The following EMILIN2 variants were observed in gnomAD, a reference collection of about 807,000 sequenced individuals.
EMILIN2 encodes elastin microfibril interfacer 2, also known as EMILIN-2.
In EMILIN2, 71 loss-of-function variants were observed where a neutral mutation model predicts 87.1. The observed-to-expected ratio is 0.82, with a 90% confidence interval of 0.67 to 0.99. EMILIN2 has a LOEUF of 0.99. Among genes scored for constraint, EMILIN2 ranks in the 50% least tolerant of loss-of-function variants. The pLI is 0.00. For missense variants in EMILIN2, 1,407 were observed against 1,371.8 expected (o/e 1.03, Z -0.40); for synonymous variants, 581 against 563.4 (o/e 1.03, Z -0.44).
chr18:2,870,683 T>C (rs2076714935), intron 2 of EMILIN2, among the ~76,000 whole-genome samples: 1 of 152,218 alleles, frequency 6.6e-6, no homozygotes, highest in Non-Finnish European at 1.5e-5. Flanking sequence ...TGAAGGAAGC[T>C]TCTAGTTGAA....
intron 2 of EMILIN2, among the ~76,000 whole-genome samples, chr18:2,854,168 A>G (rs2076615411): frequency 6.6e-6 from 1 of 151,838 alleles, no homozygotes; most frequent in African/African-American, 2.4e-5. Flanking sequence ...CTGACACCAC[A>G]CACTGACTTG....
intron 2 of EMILIN2, among the ~76,000 whole-genome samples, chr18:2,867,604 C>T (rs568007018): frequency 3.4e-4 from 52 of 152,284 alleles, no homozygotes; most frequent in East Asian, 2.3e-3. Flanking sequence ...CATCTTGCAC[C>T]GCCCTTAATC....
chr18:2,870,913 T>C (rs9944982), intron 2 of EMILIN2, among the ~76,000 whole-genome samples: 9,691 of 152,196 alleles, frequency 0.064, 1,029 homozygotes, highest in African/African-American at 0.22. Flanking sequence ...TCTGTGTGTG[T>C]CTGTCTCTGT....
intron 2 of EMILIN2, among the ~76,000 whole-genome samples, chr18:2,850,665 G>A (rs763146163): frequency 2.6e-5 from 4 of 152,104 alleles, no homozygotes; most frequent in Non-Finnish European, 4.4e-5. Context: ...GAGTGACTGA[G>A]GGATAATTTG....
At chr18:2,862,600 T>G (rs1326304173) in intron 2 of EMILIN2, among the ~76,000 whole-genome samples, 2 of 152,234 alleles carry the variant, frequency 1.3e-5, no homozygotes, top group Non-Finnish European at 2.9e-5. Flanking sequence ...AGCTTTTTGA[T>G]GTGCTGCTGG....
At chr18:2,892,911 G>C (rs912232091) in intron 4 of EMILIN2, among the ~76,000 whole-genome samples, 2 of 150,626 alleles carry the variant, frequency 1.3e-5, no homozygotes, top group South Asian at 2.1e-4. Context: ...AATTAGCTGG[G>C]TGTGGTGGCA....
At chr18:2,853,362 C>T (rs2076610973) in intron 2 of EMILIN2, among the ~76,000 whole-genome samples, 1 of 152,128 alleles carries the variant, frequency 6.6e-6, no homozygotes, top group African/African-American at 2.4e-5. Context: ...GTGGACGCAG[C>T]CTCTGAATCT....
chr18:2,901,568 G>A (rs7242678), intron 4 of EMILIN2, among the ~76,000 whole-genome samples: 1,756 of 152,300 alleles, frequency 0.012, 38 homozygotes, highest in African/African-American at 0.039. Context: ...GACCCTACCC[G>A]ACCCGTGCGG....
At chr18:2,882,990 T>G (rs1003250693) in intron 2 of EMILIN2, among the ~76,000 whole-genome samples, 2 of 151,952 alleles carry the variant, frequency 1.3e-5, no homozygotes, top group Non-Finnish European at 2.9e-5. Context: ...CAGTGTACCA[T>G]GATTGTACCA....
chr18:2,863,141 C>CA (rs1457196097), intron 2 of EMILIN2, among the ~76,000 whole-genome samples: 9 of 152,128 alleles, frequency 5.9e-5, no homozygotes, highest in Non-Finnish European at 1.5e-5. Context: ...AGCGGTCTAT[C>CA]AATTTTGTTG....
intron 2 of EMILIN2, among the ~76,000 whole-genome samples, chr18:2,855,648 T>C (rs1300835568): frequency 1.3e-5 from 2 of 152,068 alleles, no homozygotes; most frequent in African/African-American, 4.8e-5. Context: ...TCCATCCAGG[T>C]TGGGTGGGTG....
chr18:2,851,392 G>A (rs1044757185), intron 2 of EMILIN2, among the ~76,000 whole-genome samples: 1 of 152,162 alleles, frequency 6.6e-6, no homozygotes, highest in African/African-American at 2.4e-5. Flanking sequence ...CTATGATCAC[G>A]TCACTGCGCT....
chr18:2,856,624 T>C (rs1464487493), intron 2 of EMILIN2, among the ~76,000 whole-genome samples: 2 of 152,234 alleles, frequency 1.3e-5, no homozygotes, highest in African/African-American at 4.8e-5. Context: ...ATCCTGTCTT[T>C]AAAAATCAAA....
chr18:2,915,252 C>T lies in EMILIN2; in HGVS notation c.*1848C>T, dbSNP rs1421383614. 4 of 152,290 alleles carry T rather than the reference C, an allele frequency of 2.6e-5. No individual in the cohort carries two copies. The highest frequency in any genetic ancestry group is 5.9e-5 in the Non-Finnish European group (4 of 68,072). The allele number at this position is 152,290 out of a possible 1,614,324, so 9.4% of individuals were successfully genotyped here. On this transcript the variant is annotated 3_prime_UTR_variant, in exon 8 of 8. Coordinates refer to ENST00000254528, the MANE Select transcript of EMILIN2 (RefSeq NM_032048.3). ...GAATCTCAGCTCTGTGTATTCAAGA[C>T]AGGCAAAACAGAATATGCCTCATTA...
At chr18:2,860,659 A>G (rs1026682736) in intron 2 of EMILIN2, among the ~76,000 whole-genome samples, 8 of 152,172 alleles carry the variant, frequency 5.3e-5, no homozygotes, top group Admixed American at 1.3e-4. Context: ...TGGCTTGGCT[A>G]CAAGTCTTTG....
chr18:2,884,659 G>A (rs1194174851), intron 2 of EMILIN2, among the ~76,000 whole-genome samples: 1 of 152,186 alleles, frequency 6.6e-6, no homozygotes, highest in African/African-American at 2.4e-5. Context: ...CAGTTTGGGG[G>A]CTGAAAAGTA....
At position 2,891,483 on chromosome 18, in the gene EMILIN2, A is replaced by G; in HGVS notation, c.1356A>G (p.Glu452=). The G allele has an allele frequency of 1.2e-6, 2 of 1,614,186 alleles. No homozygotes were observed. Among genetic ancestry groups the G allele is most frequent in the Middle Eastern group, 1.6e-4 (1 of 6,062 alleles). The change falls in exon 4 of 8, where the codon GAA becomes GAG. Residue 452 remains glutamate (E), a synonymous_variant. Coordinates refer to ENST00000254528, the MANE Select transcript of EMILIN2 (RefSeq NM_032048.3). This position sits in a 1 kb window ranked among gnomAD's most constrained non-coding sequence, Gnocchi z 4.6. ...PDVDFDAKWN[E]LDARINVTEK... ...TGGATTTTGATGCAAAATGGAATGAACTCGATGCAAGGATCAATGTGACGG... is the reference window on the plus strand; with the variant it reads ...TGGATTTTGATGCAAAATGGAATGAGCTCGATGCAAGGATCAATGTGACGG...
In EMILIN2 at chr18:2,891,424, G is replaced by C; in HGVS notation, c.1297G>C (p.Glu433Gln). 2 of 1,614,212 alleles carry C rather than the reference G, an allele frequency of 1.2e-6. No individual in the cohort carries two copies. The highest frequency in any genetic ancestry group is 1.7e-6 in the Non-Finnish European group (2 of 1,180,042). The change falls in exon 4 of 8, where the codon GAG (glutamate) becomes CAG (glutamine). Residue 433 changes from glutamate (E) to glutamine (Q), a missense_variant. Glu to Gln is a conservative substitution (Grantham distance 29). Coordinates refer to ENST00000254528, the MANE Select transcript of EMILIN2 (RefSeq NM_032048.3). This position sits in a 1 kb window ranked among gnomAD's most constrained non-coding sequence, Gnocchi z 4.6. Reference protein sequence around the residue: ...TRMLNGRLDNEFDRLIVPEPD... With the variant: ...TRMLNGRLDNQFDRLIVPEPD... ...AATGCTGAATGGAAGACTGGACAAT[G>C]AGTTTGACCGCCTTATAGTTCCAGA...
rs981356796 is a variant in EMILIN2, at chr18:2,907,064, G to A, written c.2641G>A (p.Glu881Lys). ...QTGSGTVPGA[E>K]GFAGAPGYPK... ...CGGGAGCGGCACCGTCCCCGGCGCA[G>A]AAGGCTTCGCGGGCGCACCAGGTGA... is the stretch of plus-strand genomic sequence containing the variant. The change falls in exon 5 of 8, where the codon GAA becomes AAA. Residue 881 changes from glutamate to lysine, a missense_variant. Transcript: ENST00000254528. The A allele has an allele frequency of 4.0e-6, 5 of 1,257,738 alleles. No homozygotes were observed. The African/African-American group carries it at 7.8e-5, about 20-fold the overall frequency. 77.9% of individuals were successfully genotyped at this position (1,257,738 alleles called of 1,614,324 possible).
Sources: gnomAD v4.1 joint callset for allele counts (sites outside exome capture counted in the v4.1 genomes callset) on GRCh38, gnomAD v4.1.1 for gene constraint, Gnocchi (gnomAD v3.1) non-coding constraint, MANE v1.5 for transcripts, NCBI Gene and HGNC (gene_info 2026-07-23, HGNC 2026-07-21) for gene names.